PPP5C: variants seen among roughly 807,000 people sequenced by gnomAD.
The protein encoded by PPP5C is protein phosphatase 5 catalytic subunit.
In PPP5C, 21 loss-of-function variants were observed where a neutral mutation model predicts 66.7. That is an observed-to-expected ratio of 0.31 (90% CI 0.22 to 0.45). The LOEUF (loss-of-function observed/expected upper bound fraction) is 0.45. Ranked by LOEUF, PPP5C falls within the 20% of genes least tolerant of loss-of-function variation. The pLI, the probability that PPP5C is intolerant of heterozygous loss-of-function variation, is 1.00. For synonymous variants in PPP5C, 246 were observed against 257.4 expected, an observed-to-expected ratio of 0.96 and a Z score of 0.43; for missense variants, 464 against 675.9, an observed-to-expected ratio of 0.69 and a Z score of 3.48.
Position 46,390,566 on chromosome 19 carries a change from G to A in PPP5C, c.*220G>A. ...CCTGGACAGAGAGGAAGGAGGTGGA[G>A]CAGCTGGGGCTGGGGGCACAGCCTG... is the stretch of plus-strand genomic sequence containing the variant. On this transcript the variant is annotated 3_prime_UTR_variant, in exon 13 of 13. Coordinates refer to ENST00000012443, the MANE Select transcript of PPP5C (RefSeq NM_006247.4). 2.1e-6 allele frequency: 3 copies of A among 1,403,428 alleles called. No homozygotes were observed. The highest frequency in any genetic ancestry group is 1.9e-6 in the Non-Finnish European group (2 of 1,077,930). 86.9% of individuals were successfully genotyped at this position (1,403,428 alleles called of 1,614,324 possible). A position where few individuals can be genotyped will look rare whatever the true frequency, so the allele number is the denominator to read the frequency against.
chr19:46,364,271 T>G (rs930987909), intron 2 of PPP5C, among the ~76,000 whole-genome samples: 3 of 152,108 alleles, frequency 2.0e-5, no homozygotes, highest in Non-Finnish European at 4.4e-5. Context: ...CAAGTCAGCT[T>G]TTGACTATAG....
chr19:46,386,914 C>A, intron 7 of PPP5C, 179 bp from the exon 8 acceptor site: 1 of 826,558 alleles, frequency 1.2e-6, no homozygotes, highest in African/African-American at 1.7e-5. Context: ...TAGCCATGGA[C>A]CTACTTTTTG....
At chr19:46,347,953 AC>A (rs1444468425) in intron 1 of PPP5C, among the ~76,000 whole-genome samples, 5 of 148,916 alleles carry the variant, frequency 3.4e-5, no homozygotes, top group African/African-American at 7.7e-5. Context: ...AAAAAAAAAA[AC>A]AAAAAAAAAC....
chr19:46,348,309 T>TGG, intron 1 of PPP5C, among the ~76,000 whole-genome samples: 1 of 46,236 alleles, frequency 2.2e-5, no homozygotes, highest in Non-Finnish European at 3.2e-5. Context: ...AGTTTGGAAT[T>TGG]TTTTTTTTTT....
chr19:46,360,038 C>T (rs1339431404), intron 2 of PPP5C, among the ~76,000 whole-genome samples: 1 of 152,082 alleles, frequency 6.6e-6, no homozygotes, highest in African/African-American at 2.4e-5. Flanking sequence ...CTCGGCCTCA[C>T]AGAGTGCTGG....
intron 7 of PPP5C, chr19:46,386,730 A>G (rs1408762414): frequency 6.7e-6 from 2 of 296,484 alleles, no homozygotes; most frequent in Non-Finnish European, 1.3e-5. Flanking sequence ...CTCTGGCCTC[A>G]GCCTCCCAAG....
At chr19:46,389,198 C>T (rs1330562989) in intron 11 of PPP5C, among the ~76,000 whole-genome samples, 3 of 151,692 alleles carry the variant, frequency 2.0e-5, no homozygotes, top group East Asian at 1.9e-4. Flanking sequence ...GTGGCACACA[C>T]CCGTAATCCC....
intron 4 of PPP5C, among the ~76,000 whole-genome samples, chr19:46,379,428 T>TATTA (rs1972751966): frequency 6.6e-6 from 1 of 152,180 alleles, no homozygotes; most frequent in Admixed American, 6.5e-5. Flanking sequence ...CCTCAGATAA[T>TATTA]CCACCCACCT....
At chr19:46,362,281 A>C (rs925663792) in intron 2 of PPP5C, among the ~76,000 whole-genome samples, 6 of 152,310 alleles carry the variant, frequency 3.9e-5, no homozygotes, top group Admixed American at 3.3e-4. Flanking sequence ...TAATTTTTAG[A>C]AATATAGGGT....
chr19:46,351,980 T>C (rs1972194499), intron 1 of PPP5C, among the ~76,000 whole-genome samples: 2 of 152,218 alleles, frequency 1.3e-5, no homozygotes, highest in African/African-American at 4.8e-5. Context: ...GTTAGATTGT[T>C]GCTGGCCACA....
At chr19:46,385,743 G>T (rs1011157256) in intron 7 of PPP5C, among the ~76,000 whole-genome samples, 2 of 150,218 alleles carry the variant, frequency 1.3e-5, no homozygotes, top group African/African-American at 4.9e-5. Context: ...TTGCGCCACT[G>T]CACTCCAGCC....
rs547825261 is a variant in PPP5C, at chr19:46,384,587, G to A, written c.799-217G>A. The A allele has an allele frequency of 2.0e-5, 10 of 509,510 alleles. No individual in the cohort carries two copies. The East Asian group carries it at 2.8e-4, about 14-fold the overall frequency. 31.6% of individuals were successfully genotyped at this position (509,510 alleles called of 1,614,324 possible). ...GGGTCCTCAGTGCCATACTACTGAG[G>A]CTCAGCGGCCAAGCTCTGGCTGGAG... is the stretch of plus-strand genomic sequence containing the variant. On this transcript the variant is annotated intron_variant, in intron 6 of 12. Transcript: ENST00000012443.
chr19:46,383,063 T>A lies in PPP5C; in HGVS notation c.634-348T>A, dbSNP rs941225993. Reference sequence around the variant, plus strand: ...ACTTCTTTTTTGGGAGACTCTTTTATGACAGTGACATTGCGCTGTGTCCAG... The same window carrying A: ...ACTTCTTTTTTGGGAGACTCTTTTAAGACAGTGACATTGCGCTGTGTCCAG... On this transcript the variant is annotated intron_variant, in intron 4 of 12. Coordinates refer to ENST00000012443, the MANE Select transcript of PPP5C (RefSeq NM_006247.4). This position sits in a 1 kb window ranked among gnomAD's most constrained non-coding sequence, Gnocchi z 5.0. 1 of 1,113,136 alleles carries A rather than the reference T, an allele frequency of 9.0e-7. No individual in the cohort carries two copies. The highest frequency in any genetic ancestry group is 1.6e-5 in the African/African-American group (1 of 61,412). 69.0% of individuals were successfully genotyped at this position (1,113,136 alleles called of 1,614,324 possible).
chr19:46,390,424 G>A lies in PPP5C; in HGVS notation c.*78G>A. 6.5e-7 allele frequency: 1 copy of A among 1,544,204 alleles called. No homozygotes were observed. The highest frequency in any genetic ancestry group is 8.7e-7 in the Non-Finnish European group (1 of 1,143,486). On this transcript the variant is annotated 3_prime_UTR_variant, in exon 13 of 13. Transcript: ENST00000012443. ...CAGGCCCTGGGCTAGGGGCAGAGCA[G>A]GCCCCGCCCCAGGGCAATGTTGGAC...
intron 2 of PPP5C, among the ~76,000 whole-genome samples, chr19:46,374,595 C>T (rs772177115): frequency 6.6e-5 from 10 of 152,130 alleles, no homozygotes; most frequent in Non-Finnish European, 1.2e-4. Flanking sequence ...AATAAGGTTG[C>T]GGGGATAGGG....
rs202038384 is a variant in PPP5C, at chr19:46,361,128, A to ATTTTTTT, written c.363+7139_363+7140insTTTTTTT. 2.5e-3 allele frequency among the ~76,000 whole-genome samples: 327 copies of ATTTTTTT among 133,406 alleles called. 25 individuals are homozygous for ATTTTTTT. The highest frequency in any genetic ancestry group is 2.8e-3 in the Non-Finnish European group (176 of 63,096). The allele number at this position is 133,406 out of a possible 152,430, so 87.5% of individuals were successfully genotyped here. On this transcript the variant is annotated intron_variant, in intron 2 of 12. Transcript: ENST00000012443. Reference sequence around the variant, plus strand: ...TTTACCCAAAAGATAAGTGAAAGAAAATTTTTTTTTTTTTTTTTTGAGACG... The same window carrying ATTTTTTT: ...TTTACCCAAAAGATAAGTGAAAGAAATTTTTTTATTTTTTTTTTTTTTTTTTGAGACG...
chr19:46,354,085 A>G (rs1406532859), intron 2 of PPP5C, 96 bp downstream of exon 2: 4 of 1,486,906 alleles, frequency 2.7e-6, no homozygotes, highest in Middle Eastern at 2.4e-4. Context: ...TCACTCCTCT[A>G]CTTACCACTC....
chr19:46,375,529 G>A (rs1972676903), intron 2 of PPP5C, 75 bp from the exon 3 acceptor site: 1 of 1,574,096 alleles, frequency 6.4e-7, no homozygotes, highest in Non-Finnish European at 8.6e-7. Context: ...ATGGAACCCA[G>A]GGCTGGGCAG....
chr19:46,359,450 T>C (rs1043899392), intron 2 of PPP5C, among the ~76,000 whole-genome samples: 2 of 152,132 alleles, frequency 1.3e-5, no homozygotes, highest in African/African-American at 4.8e-5. Flanking sequence ...GCTAAAAACA[T>C]GAGGAAAATG....
Sources: allele counts gnomAD v4.1 joint callset (sites outside exome capture counted in the v4.1 genomes callset), GRCh38; gene constraint gnomAD v4.1.1; non-coding constraint Gnocchi (gnomAD v3.1); transcripts MANE v1.5; gene names NCBI Gene and HGNC (gene_info 2026-07-23, HGNC 2026-07-21).